Variants in GRM8 observed in about 807,000 individuals in gnomAD.
The protein encoded by GRM8 is glutamate metabotropic receptor 8.
A neutral mutation model predicts 87.2 loss-of-function variants in GRM8; 47 were observed. That is an observed-to-expected ratio of 0.54 (90% CI 0.43 to 0.69). GRM8 has a LOEUF of 0.69. GRM8 is among the 30% of genes least tolerant of loss of function. GRM8 has a pLI of 0.00. For synonymous variants in GRM8, 396 were observed against 404.5 expected, an observed-to-expected ratio of 0.98 and a Z score of 0.25; for missense variants, 1,019 against 1,139.2, an observed-to-expected ratio of 0.89 and a Z score of 1.52.
At chr7:126,933,660 G>T (rs2131464891) in intron 3 of GRM8, among the ~76,000 whole-genome samples, 1 of 152,160 alleles carries the variant, frequency 6.6e-6, no homozygotes, top group Admixed American at 6.5e-5. Context: ...TTCAAATCTT[G>T]GTTCCAACAA....
chr7:126,676,006 A>ATT (rs2151318670), intron 7 of GRM8, among the ~76,000 whole-genome samples: 1 of 152,340 alleles, frequency 6.6e-6, no homozygotes, highest in Non-Finnish European at 1.5e-5. Context: ...GACTCTACCA[A>ATT]AAGACTCCCA....
At chr7:126,451,226 A>C (rs759493071) in intron 9 of GRM8, among the ~76,000 whole-genome samples, 1 of 151,732 alleles carries the variant, frequency 6.6e-6, no homozygotes, top group Non-Finnish European at 1.5e-5. Context: ...CTGATTCCCA[A>C]TCTTCATCCC....
intron 9 of GRM8, among the ~76,000 whole-genome samples, chr7:126,528,510 A>G (rs1022179120): frequency 2.0e-5 from 3 of 152,132 alleles, no homozygotes; most frequent in Non-Finnish European, 4.4e-5. Flanking sequence ...TTCACTGCCT[A>G]TTATGTGCAT....
intron 9 of GRM8, among the ~76,000 whole-genome samples, chr7:126,531,303 AC>A (rs1273500445): frequency 2.6e-5 from 4 of 152,216 alleles, no homozygotes; most frequent in African/African-American, 9.7e-5. Context: ...TTCACATTCA[AC>A]TATATTATAA....
chr7:126,960,203 C>A (rs1056013754), intron 3 of GRM8, among the ~76,000 whole-genome samples: 4 of 152,124 alleles, frequency 2.6e-5, no homozygotes, highest in African/African-American at 9.7e-5. Context: ...AAAAAGAAAT[C>A]TCCTGCAAAT....
chr7:126,735,802 A>G (rs1814146565), intron 7 of GRM8, among the ~76,000 whole-genome samples: 1 of 152,064 alleles, frequency 6.6e-6, no homozygotes. Flanking sequence ...CACAGAATAA[A>G]AGAGACAGAT....
chr7:126,741,647 C>T (rs947606054), intron 7 of GRM8, among the ~76,000 whole-genome samples: 1 of 152,000 alleles, frequency 6.6e-6, no homozygotes, highest in Non-Finnish European at 1.5e-5. Context: ...AGGAGCACCA[C>T]AAATAGAGAC....
chr7:126,587,077 T>C (rs1796211019), intron 8 of GRM8, among the ~76,000 whole-genome samples: 1 of 151,974 alleles, frequency 6.6e-6, no homozygotes, highest in African/African-American at 2.4e-5. Context: ...CAGGAAAAAA[T>C]GCTCATCATC....
At chr7:126,671,236 G>A (rs1378925620) in intron 7 of GRM8, among the ~76,000 whole-genome samples, 1 of 152,176 alleles carries the variant, frequency 6.6e-6, no homozygotes, top group Non-Finnish European at 1.5e-5. Flanking sequence ...GGGACCTTAA[G>A]AGGAGAAAAT....
chr7:126,939,066 C>A (rs1586530758), intron 3 of GRM8, among the ~76,000 whole-genome samples: 1 of 151,998 alleles, frequency 6.6e-6, no homozygotes, highest in African/African-American at 2.4e-5. Flanking sequence ...ATCATTGCCA[C>A]CTGATTGTAA....
At chr7:126,614,444 G>C (rs986810167) in intron 7 of GRM8, among the ~76,000 whole-genome samples, 2 of 152,096 alleles carry the variant, frequency 1.3e-5, no homozygotes, top group East Asian at 1.9e-4. Flanking sequence ...GAGCTGAAAA[G>C]CTGAAAATTC....
chr7:127,138,818 C>A (rs1563537296), intron 2 of GRM8, among the ~76,000 whole-genome samples: 1 of 152,080 alleles, frequency 6.6e-6, no homozygotes, highest in African/African-American at 2.4e-5. Context: ...TTTCAGCTCA[C>A]CCTCTCTATC....
At chr7:127,099,202 C>T (rs1373444812) in intron 3 of GRM8, among the ~76,000 whole-genome samples, 1 of 152,058 alleles carries the variant, frequency 6.6e-6, no homozygotes, top group Non-Finnish European at 1.5e-5. Context: ...GTCAATGAAA[C>T]ATTATATCAA....
chr7:127,180,191 T>G (rs1028043248), intron 2 of GRM8, among the ~76,000 whole-genome samples: 30 of 151,870 alleles, frequency 2.0e-4, no homozygotes, highest in African/African-American at 6.8e-4. Context: ...ACCACTGAAA[T>G]ACAAAAGATC....
At chr7:126,521,250 A>C (rs1378472664) in intron 9 of GRM8, among the ~76,000 whole-genome samples, 1 of 152,312 alleles carries the variant, frequency 6.6e-6, no homozygotes, top group East Asian at 1.9e-4. Context: ...GCTGTATTCT[A>C]TAGGATTTAA....
chr7:126,536,611 T>C (rs1815763625), intron 8 of GRM8, among the ~76,000 whole-genome samples: 1 of 151,902 alleles, frequency 6.6e-6, no homozygotes, highest in African/African-American at 2.4e-5. Context: ...AAGAAAGAAA[T>C]AAAGGTAAAT....
chr7:126,526,874 T>C (rs1813927745), intron 9 of GRM8, among the ~76,000 whole-genome samples: 1 of 152,224 alleles, frequency 6.6e-6, no homozygotes, highest in Admixed American at 6.5e-5. Flanking sequence ...AGAGCATAAA[T>C]GAGGCCACAT....
chr7:126,848,283 G>A (rs768635042), intron 6 of GRM8, among the ~76,000 whole-genome samples: 7 of 152,138 alleles, frequency 4.6e-5, no homozygotes, highest in Non-Finnish European at 1.5e-5. Flanking sequence ...GTCTAGAGCT[G>A]TACTGTTCAT....
chr7:127,203,045 T>A (rs1795699113), intron 2 of GRM8, among the ~76,000 whole-genome samples: 1 of 152,200 alleles, frequency 6.6e-6, no homozygotes, highest in Admixed American at 6.5e-5. Context: ...ACATACCAAG[T>A]TTTCACCATG....
Sources: gnomAD v4.1 joint callset for allele counts (sites outside exome capture counted in the v4.1 genomes callset) on GRCh38, gnomAD v4.1.1 for gene constraint, MANE v1.5 for transcripts, NCBI Gene and HGNC (gene_info 2026-07-23, HGNC 2026-07-21) for gene names.